The following LIPA variants were observed in gnomAD, a reference collection of about 807,000 sequenced individuals.
LIPA encodes lysosomal acid lipase/cholesteryl ester hydrolase.
LIPA carries 26 observed loss-of-function variants against 40.6 expected under a neutral mutation model. The observed-to-expected ratio is 0.64, with a 90% CI of 0.47 to 0.89. The LOEUF is 0.89. LIPA is among the 40% of genes least tolerant of loss of function. LIPA has a pLI of 0.00. For synonymous variants in LIPA, 188 were observed against 168.4 expected (o/e 1.12, Z -0.90); for missense variants, 455 against 479.6 (o/e 0.95, Z 0.48).
chr10:89,297,271 A>C (rs952758731), intron 1 of LIPA, among the ~76,000 whole-genome samples: 1 of 152,184 alleles, frequency 6.6e-6, no homozygotes, highest in Admixed American at 6.5e-5. Flanking sequence ...CTACCCATAC[A>C]AACTCTGACA....
chr10:89,339,912 T>A (rs770741024), intron 1 of LIPA: 3 of 1,614,146 alleles, frequency 1.9e-6, no homozygotes, highest in Non-Finnish European at 2.5e-6. Flanking sequence ...ATTATTGGTA[T>A]CTTCAAGGAT....
rs1842586375 is a variant in LIPA, at chr10:89,214,022, T to C, written c.*806A>G. ...AGTACATTAATCTCAGAAAAAATAG[T>C]GGTATAGTCTCCACAGGGATTTGCT... On this transcript the variant is annotated 3_prime_UTR_variant, in exon 10 of 10. Transcript: ENST00000336233. The C allele has an allele frequency of 6.6e-6, 1 of 152,086 alleles. No homozygotes were observed. The allele number at this position is 152,086 out of a possible 1,614,324, so 9.4% of individuals were successfully genotyped here.
chr10:89,327,808 T>C (rs76000714), intron 1 of LIPA: 7,715 of 477,204 alleles, frequency 0.016, 467 homozygotes, highest in African/African-American at 0.13. Flanking sequence ...TAACGTACTC[T>C]GGCTCAGCCA....
chr10:89,371,855 G>A (rs1306922407), intron 2 of LIPA, among the ~76,000 whole-genome samples: 1 of 152,096 alleles, frequency 6.6e-6, no homozygotes, highest in African/African-American at 2.4e-5. Context: ...TCTAAATTTT[G>A]GTTGCATGAA....
intron 5 of LIPA, among the ~76,000 whole-genome samples, chr10:89,226,030 T>A (rs543138365): frequency 6.6e-6 from 1 of 152,324 alleles, no homozygotes; most frequent in African/African-American, 2.4e-5. Context: ...CTCGGGTATG[T>A]CTTTAGTAGT....
At chr10:89,216,410 C>CATATATATATAT (rs10646193) in intron 8 of LIPA, among the ~76,000 whole-genome samples, 1 of 145,242 alleles carries the variant, frequency 6.9e-6, no homozygotes, top group African/African-American at 2.5e-5. Context: ...TATATATATA[C>CATATATATATAT]ATATATATAT....
At chr10:89,267,667 C>T (rs1211230217) in intron 1 of LIPA, among the ~76,000 whole-genome samples, 2 of 139,010 alleles carry the variant, frequency 1.4e-5, no homozygotes, top group Non-Finnish European at 3.1e-5. Context: ...CAGCATGGCA[C>T]ATGTATACAT....
At chr10:89,250,128 C>G (rs1186838276) in intron 1 of LIPA, among the ~76,000 whole-genome samples, 14 of 39,246 alleles carry the variant, frequency 3.6e-4, no homozygotes. Context: ...TTGAGACAGT[C>G]TTGCTCTGTC....
chr10:89,261,828 C>G (rs147171024), intron 1 of LIPA, among the ~76,000 whole-genome samples: 36 of 152,314 alleles, frequency 2.4e-4, no homozygotes, highest in African/African-American at 8.4e-4. Context: ...AATTCTGTCT[C>G]TCTATTGCTG....
At chr10:89,413,668 G>A (rs1439524270) in intron 1 of LIPA, among the ~76,000 whole-genome samples, 1 of 151,814 alleles carries the variant, frequency 6.6e-6, no homozygotes, top group African/African-American at 2.4e-5. Flanking sequence ...TCAGGAGGCT[G>A]AGGTGGGAGG....
intron 1 of LIPA, among the ~76,000 whole-genome samples, chr10:89,322,285 A>C (rs1843576050): frequency 6.6e-6 from 1 of 152,210 alleles, no homozygotes; most frequent in East Asian, 1.9e-4. Context: ...GTGCCAGGCT[A>C]TCACGGAAAG....
At chr10:89,236,892 G>T (rs777396152) in intron 3 of LIPA, among the ~76,000 whole-genome samples, 1 of 151,918 alleles carries the variant, frequency 6.6e-6, no homozygotes, top group Admixed American at 6.5e-5. Context: ...ACAACTTAAA[G>T]AAAAAAGAAG....
upstream of LIPA, among the ~76,000 whole-genome samples, chr10:89,253,516 G>A (rs1232714698): frequency 1.3e-5 from 2 of 152,158 alleles, no homozygotes; most frequent in Non-Finnish European, 2.9e-5. Flanking sequence ...ACAACATGTG[G>A]GAATTACAGG....
intron 3 of LIPA, among the ~76,000 whole-genome samples, chr10:89,233,755 A>C (rs1842871074): frequency 6.6e-6 from 1 of 152,054 alleles, no homozygotes; most frequent in Non-Finnish European, 1.5e-5. Context: ...AATCCCAGTT[A>C]CTCAGGAGGC....
At chr10:89,265,359 C>G (rs2133489067) in intron 1 of LIPA, among the ~76,000 whole-genome samples, 1 of 152,288 alleles carries the variant, frequency 6.6e-6, no homozygotes, top group East Asian at 1.9e-4. Flanking sequence ...CTCCCACCAT[C>G]TCCATGGAGT....
intron 3 of LIPA, among the ~76,000 whole-genome samples, chr10:89,240,888 A>G (rs1465505286): frequency 1.3e-5 from 2 of 152,206 alleles, no homozygotes; most frequent in Non-Finnish European, 2.9e-5. Context: ...GGTAGACTGC[A>G]GCCTGGAGCT....
intron 2 of LIPA, chr10:89,362,516 G>C (rs2133592756): frequency 4.1e-6 from 1 of 246,406 alleles, no homozygotes; most frequent in Non-Finnish European, 8.1e-6. Context: ...GAAAGAAGTT[G>C]AATGAGAACA....
At chr10:89,245,835 T>G (rs113377868) in intron 2 of LIPA, 42 bp from the exon 3 acceptor site, 6 of 941,494 alleles carry the variant, frequency 6.4e-6, no homozygotes, top group African/African-American at 4.8e-5. Context: ...GGACAGAATC[T>G]GAAACAGTCT....
intron 3 of LIPA, among the ~76,000 whole-genome samples, chr10:89,243,000 G>A (rs1842980742): frequency 1.3e-5 from 2 of 152,140 alleles, no homozygotes; most frequent in Admixed American, 1.3e-4. Flanking sequence ...GAGGACCCGT[G>A]GTCAAGAATG....
Sources: gnomAD v4.1 joint callset for allele counts (sites outside exome capture counted in the v4.1 genomes callset) on GRCh38, gnomAD v4.1.1 for gene constraint, MANE v1.5 for transcripts, NCBI Gene and HGNC (gene_info 2026-07-23, HGNC 2026-07-21) for gene names.